The following ACAP2 variants were observed in gnomAD, a reference collection of about 807,000 sequenced individuals.
The protein encoded by ACAP2 is ArfGAP with coiled-coil, ankyrin repeat and PH domains 2, also known as arf-GAP with coiled-coil, ANK repeat and PH domain-containing protein 2.
In ACAP2, 39 loss-of-function variants were observed where a neutral mutation model predicts 115.8. The observed-to-expected ratio is 0.34, with a 90% confidence interval of 0.26 to 0.44. ACAP2 has a LOEUF of 0.44. Ranked by LOEUF, ACAP2 falls within the 20% of genes least tolerant of loss-of-function variation. ACAP2 has a pLI of 1.00. For missense variants in ACAP2, 662 were observed against 927.6 expected, an observed-to-expected ratio of 0.71 and a Z score of 3.72; for synonymous variants, 289 against 315.8, an observed-to-expected ratio of 0.92 and a Z score of 0.90.
At position 195,393,387 on chromosome 3, in the gene ACAP2, G is replaced by A. The variant is rs549813267; in HGVS notation, c.54-1240C>T. Among the ~76,000 whole-genome samples the A allele has an allele frequency of 7.2e-5, 11 of 152,302 alleles. No homozygotes were observed. In the East Asian group the frequency reaches 2.1e-3, roughly 29 times the overall value. On this transcript the variant is annotated intron_variant, in intron 1 of 22. Coordinates refer to ENST00000326793, the MANE Select transcript of ACAP2 (RefSeq NM_012287.6). ...CTGAATAATCATCTTATTGACTTGTGATTCTGCTTCTCCACTGGGTAACAT... is the reference window on the plus strand; with the variant it reads ...CTGAATAATCATCTTATTGACTTGTAATTCTGCTTCTCCACTGGGTAACAT...
intron 4 of ACAP2, among the ~76,000 whole-genome samples, chr3:195,374,802 C>A (rs577710539): frequency 5.9e-5 from 9 of 152,146 alleles, no homozygotes; most frequent in African/African-American, 2.2e-4. Flanking sequence ...ACAAGCTCCG[C>A]CTCCCGGGTT....
chr3:195,328,970 C>G (rs1729990401), intron 8 of ACAP2, among the ~76,000 whole-genome samples: 1 of 151,686 alleles, frequency 6.6e-6, no homozygotes, highest in Non-Finnish European at 1.5e-5. Flanking sequence ...GTCCCAGCTA[C>G]TCGGGAGGCT....
Position 195,279,292 on chromosome 3 carries a change from T to A in ACAP2, c.*36A>T, listed in dbSNP as rs757308901. On this transcript the variant is annotated 3_prime_UTR_variant, in exon 23 of 23. Coordinates refer to ENST00000326793, the MANE Select transcript of ACAP2 (RefSeq NM_012287.6). ...TTTTTTAGCTGTATACATTAGGGGG[T>A]CACCAGATTTCATATTTTCCCATTT... The A allele has an allele frequency of 2.1e-6, 3 of 1,422,264 alleles. No individual in the cohort carries two copies. Among genetic ancestry groups the A allele is most frequent in the Non-Finnish European group, 2.0e-6 (2 of 1,016,798 alleles). 88.1% of individuals were successfully genotyped at this position (1,422,264 alleles called of 1,614,324 possible). A position where few individuals can be genotyped will look rare whatever the true frequency, so the allele number is the denominator to read the frequency against.
chr3:195,285,618 A>T, intron 22 of ACAP2, 178 bp downstream of exon 22: 1 of 546,438 alleles, frequency 1.8e-6, no homozygotes, highest in Non-Finnish European at 3.2e-6. Flanking sequence ...TAGCCACCCA[A>T]GGATTCAGTT....
intron 21 of ACAP2, among the ~76,000 whole-genome samples, 175 bp downstream of exon 21, chr3:195,288,946 A>C (rs1191975808): frequency 1.3e-5 from 2 of 152,254 alleles, no homozygotes; most frequent in Non-Finnish European, 2.9e-5. Context: ...GATGATTTAA[A>C]GTACATGGGA....
chr3:195,385,309 A>AT (rs1734227298), intron 2 of ACAP2, among the ~76,000 whole-genome samples: 1 of 149,600 alleles, frequency 6.7e-6, no homozygotes, highest in Non-Finnish European at 1.5e-5. Flanking sequence ...TTCAATAGAG[A>AT]TTTGTGCTTC....
intron 22 of ACAP2, among the ~76,000 whole-genome samples, chr3:195,281,221 C>G (rs1158619418): frequency 6.6e-6 from 1 of 151,926 alleles, no homozygotes; most frequent in African/African-American, 2.4e-5. Context: ...CTGGCTAACA[C>G]GGTGAAACCC....
At chr3:195,338,619 C>G (rs910597607) in intron 6 of ACAP2, among the ~76,000 whole-genome samples, 1 of 152,098 alleles carries the variant, frequency 6.6e-6, no homozygotes, top group African/African-American at 2.4e-5. Flanking sequence ...CTGCACCCGG[C>G]CAGATTTTAA....
chr3:195,367,380 T>C (rs1459841439), intron 4 of ACAP2, among the ~76,000 whole-genome samples: 1 of 152,182 alleles, frequency 6.6e-6, no homozygotes, highest in African/African-American at 2.4e-5. Context: ...GGAGATTTTT[T>C]CAATTATATG....
intron 20 of ACAP2, among the ~76,000 whole-genome samples, chr3:195,289,722 C>T (rs757324054): frequency 8.8e-5 from 13 of 148,036 alleles, no homozygotes; most frequent in Non-Finnish European, 3.0e-5. Flanking sequence ...AGGAGAATGG[C>T]GTGAACCCGG....
chr3:195,327,127 T>C (rs55672262), intron 8 of ACAP2, among the ~76,000 whole-genome samples, 168 bp from the exon 9 acceptor site: 69,245 of 152,034 alleles, frequency 0.46, 17,322 homozygotes, highest in Middle Eastern at 0.68. Context: ...TTTTCTGCTA[T>C]CAAGTTCTCT....
chr3:195,370,519 G>A (rs1463879604), intron 4 of ACAP2, among the ~76,000 whole-genome samples: 1 of 152,138 alleles, frequency 6.6e-6, no homozygotes, highest in Non-Finnish European at 1.5e-5. Flanking sequence ...CTCATTACTT[G>A]TTTCTGTCAG....
chr3:195,390,976 C>T (rs188436521), intron 2 of ACAP2, among the ~76,000 whole-genome samples: 1 of 152,196 alleles, frequency 6.6e-6, no homozygotes, highest in African/African-American at 2.4e-5. Flanking sequence ...CCAAAAAAAT[C>T]ATCAATAATA....
chr3:195,438,894 T>C (rs999258054), intron 1 of ACAP2, among the ~76,000 whole-genome samples: 4 of 152,052 alleles, frequency 2.6e-5, no homozygotes, highest in African/African-American at 4.8e-5. Context: ...ACTCCGTTTC[T>C]ACTAAAAATA....
rs1351823346 is a variant in ACAP2 at position 195,316,080 on chromosome 3, T to TAA, written c.857+4619_857+4620dup. Among the ~76,000 whole-genome samples the TAA allele has an allele frequency of 3.9e-5, 6 of 152,138 alleles. No individual in the cohort carries two copies. In the East Asian group the frequency reaches 1.2e-3, roughly 29 times the overall value. ...TGGATTTACTGTATTTTCACTTTGT[T>TAA]AAACTTTAAGTAGGTTGCTTTGAAA... On this transcript the variant is annotated intron_variant, in intron 10 of 22. Transcript: ENST00000326793.
At chr3:195,432,368 G>T (rs562914522) in intron 1 of ACAP2, among the ~76,000 whole-genome samples, 110 of 152,278 alleles carry the variant, frequency 7.2e-4, no homozygotes, top group African/African-American at 2.6e-3. Flanking sequence ...TTTTGCCTAT[G>T]ACATAAGATA....
chr3:195,317,907 G>C (rs1729199964), intron 10 of ACAP2, among the ~76,000 whole-genome samples: 1 of 152,140 alleles, frequency 6.6e-6, no homozygotes, highest in South Asian at 2.1e-4. Flanking sequence ...ATTCATAAGT[G>C]ATAAGGACTG....
intron 10 of ACAP2, 144 bp downstream of exon 10, chr3:195,320,557 T>A (rs548666416): frequency 3.9e-4 from 198 of 501,444 alleles, no homozygotes; most frequent in Admixed American, 8.2e-4. Context: ...AAAGGGCATC[T>A]ATCTTCAATA....
chr3:195,367,669 A>G (rs1732822216), intron 4 of ACAP2, among the ~76,000 whole-genome samples: 1 of 152,312 alleles, frequency 6.6e-6, no homozygotes, highest in Admixed American at 6.5e-5. Flanking sequence ...CCCAGGCTTT[A>G]AGGGACCATG....
Sources: gnomAD v4.1 joint callset for allele counts (sites outside exome capture counted in the v4.1 genomes callset) on GRCh38, gnomAD v4.1.1 for gene constraint, MANE v1.5 for transcripts, NCBI Gene and HGNC (gene_info 2026-07-23, HGNC 2026-07-21) for gene names.